Variants in ERICH6B observed in about 807,000 individuals in gnomAD.
The protein encoded by ERICH6B is glutamate-rich protein 6B.
In ERICH6B, 69 loss-of-function variants were observed where a neutral mutation model predicts 80.0. The observed-to-expected ratio is 0.86, with a 90% confidence interval of 0.71 to 1.05. The LOEUF (loss-of-function observed/expected upper bound fraction) is 1.05. ERICH6B is among the 50% of genes least tolerant of loss of function. The pLI is 0.00. For synonymous variants in ERICH6B, 283 were observed against 291.9 expected (o/e 0.97, Z 0.31); for missense variants, 754 against 796.1 (o/e 0.95, Z 0.64).
intron 3 of ERICH6B, 22 bp from the exon 4 acceptor site, chr13:45,590,719 A>G: frequency 1.3e-6 from 2 of 1,548,424 alleles, no homozygotes; most frequent in Non-Finnish European, 1.7e-6. Context: ...AAGAATAAAA[A>G]AGCAATATTG....
At position 45,579,988 on chromosome 13, in the gene ERICH6B, A is replaced by T. The variant is rs758234414; in HGVS notation, c.920-14T>A. 10 of 1,538,336 alleles carry T rather than the reference A, an allele frequency of 6.5e-6. No homozygotes were observed. In the South Asian group the frequency reaches 1.1e-4, roughly 17 times the overall value. On this transcript the variant is annotated splice_polypyrimidine_tract_variant and intron_variant, in intron 6 of 14. Coordinates refer to ENST00000298738, the MANE Select transcript of ERICH6B (RefSeq NM_182542.3). Reference sequence around the variant, plus strand: ...TGTTAACATGCTCTAAAAAAGAATAAGAAAAATTATTAACAGGATACGGTA... The same window carrying T: ...TGTTAACATGCTCTAAAAAAGAATATGAAAAATTATTAACAGGATACGGTA...
chr13:45,549,233 G>A (rs962765060), intron 13 of ERICH6B, among the ~76,000 whole-genome samples: 6 of 151,390 alleles, frequency 4.0e-5, no homozygotes, highest in Non-Finnish European at 8.8e-5. Flanking sequence ...GCAATGAGCC[G>A]AGATGACACC....
intron 11 of ERICH6B, among the ~76,000 whole-genome samples, chr13:45,555,245 A>G (rs545435406): frequency 6.6e-6 from 1 of 152,154 alleles, no homozygotes; most frequent in Non-Finnish European, 1.5e-5. Flanking sequence ...GATAGGAGAA[A>G]GCTGAAGACT....
intron 2 of ERICH6B, among the ~76,000 whole-genome samples, chr13:45,601,764 A>AT (rs2138029567): frequency 6.6e-6 from 1 of 152,344 alleles, no homozygotes; most frequent in East Asian, 1.9e-4. Context: ...TCTCTTAGAA[A>AT]TTTGTAAGAC....
At chr13:45,549,500 G>A (rs532474543) in intron 13 of ERICH6B, among the ~76,000 whole-genome samples, 7 of 152,302 alleles carry the variant, frequency 4.6e-5, no homozygotes, top group Non-Finnish European at 7.4e-5. Flanking sequence ...TAGAAGTCAC[G>A]TTTTGGACCA....
At chr13:45,593,075 C>T (rs575857658) in intron 3 of ERICH6B, among the ~76,000 whole-genome samples, 7 of 152,326 alleles carry the variant, frequency 4.6e-5, no homozygotes, top group Admixed American at 2.0e-4. Context: ...CAGTCAGATG[C>T]GACCAACCAA....
chr13:45,588,247 C>A (rs1269694971), intron 4 of ERICH6B, among the ~76,000 whole-genome samples: 1 of 152,126 alleles, frequency 6.6e-6, no homozygotes, highest in East Asian at 1.9e-4. Context: ...GGGAAGTCTC[C>A]CTTCAGGGTC....
intron 13 of ERICH6B, among the ~76,000 whole-genome samples, chr13:45,546,715 C>T (rs533819112): frequency 6.6e-6 from 1 of 152,094 alleles, no homozygotes; most frequent in Non-Finnish European, 1.5e-5. Context: ...GGTTTGTCTG[C>T]CTTGTTTGGT....
rs1874153633 is a variant in ERICH6B at position 45,550,048 on chromosome 13, G to C, written c.1494-3C>G. On this transcript the variant is annotated splice_region_variant and splice_polypyrimidine_tract_variant and intron_variant, in intron 12 of 14. Transcript: ENST00000298738. ...TAGCCAGGTTTCCTGATGGATAACT[G>C]GGAGAAGGTTAAGGCACAAGTAGTC... 1 of 1,551,478 alleles carries C rather than the reference G, an allele frequency of 6.4e-7. No individual in the cohort carries two copies. The highest frequency in any genetic ancestry group is 8.7e-7 in the Non-Finnish European group (1 of 1,147,054).
chr13:45,550,511 T>G (rs1226789695), intron 11 of ERICH6B, among the ~76,000 whole-genome samples, 195 bp from the exon 12 acceptor site: 1 of 152,208 alleles, frequency 6.6e-6, no homozygotes, highest in Non-Finnish European at 1.5e-5. Flanking sequence ...TGTGTGTGTG[T>G]GTAGATTTTA....
chr13:45,606,503 GTGTATATATATATATATATATATATATA>G (rs1949861552), intron 2 of ERICH6B, among the ~76,000 whole-genome samples: 2 of 32,780 alleles, frequency 6.1e-5, no homozygotes, highest in African/African-American at 3.3e-4. Context: ...AAAAGTGTAT[GTGTATATATATATATATATATATATATA>G]TATATATATA....
chr13:45,558,875 A>G (rs1874547649), intron 11 of ERICH6B, among the ~76,000 whole-genome samples: 1 of 152,028 alleles, frequency 6.6e-6, no homozygotes, highest in Admixed American at 6.5e-5. Flanking sequence ...TTCACCAGGG[A>G]TATTGGTGTG....
intron 2 of ERICH6B, among the ~76,000 whole-genome samples, chr13:45,603,067 G>A (rs952366450): frequency 6.6e-6 from 1 of 152,208 alleles, no homozygotes; most frequent in African/African-American, 2.4e-5. Flanking sequence ...GGCCCCTAGT[G>A]TAAGTCCTGG....
At chr13:45,551,436 C>T (rs1399177468) in intron 11 of ERICH6B, 1 of 152,158 alleles carries the variant, frequency 6.6e-6, no homozygotes. Context: ...CCTCCTACTC[C>T]TCCTTCACAT....
In ERICH6B at chr13:45,544,640, C is replaced by A; in HGVS notation, c.1872+120G>T. On this transcript the variant is annotated intron_variant, in intron 14 of 14. Coordinates refer to ENST00000298738, the MANE Select transcript of ERICH6B (RefSeq NM_182542.3). ...AAACCAAAGTGGCCTTGTTTTTATA[C>A]GGGTTGGCATATATAGAACAAGCCT... The A allele has an allele frequency of 3.9e-6, 3 of 770,470 alleles. No individual in the cohort carries two copies. The East Asian group carries it at 8.1e-5, about 21-fold the overall frequency. The allele number at this position is 770,470 out of a possible 1,614,324, so 47.7% of individuals were successfully genotyped here.
intron 7 of ERICH6B, among the ~76,000 whole-genome samples, chr13:45,578,335 T>C (rs779764508): frequency 2.0e-5 from 3 of 152,230 alleles, no homozygotes; most frequent in Non-Finnish European, 4.4e-5. Context: ...TTGCCTATGA[T>C]GTATTTGGAC....
chr13:45,558,296 A>G (rs2137971761), intron 11 of ERICH6B, among the ~76,000 whole-genome samples: 1 of 152,270 alleles, frequency 6.6e-6, no homozygotes, highest in Non-Finnish European at 1.5e-5. Context: ...TGTATCTGGA[A>G]ACTTTGCTGG....
intron 2 of ERICH6B, among the ~76,000 whole-genome samples, chr13:45,602,609 G>C (rs985253610): frequency 2.0e-5 from 3 of 152,088 alleles, no homozygotes; most frequent in African/African-American, 7.2e-5. Flanking sequence ...CAGCCTTCTT[G>C]GCATCTCTGC....
chr13:45,549,943 A>T lies in ERICH6B; in HGVS notation c.1596T>A (p.Leu532=). Residue 532 remains leucine, a synonymous_variant, in exon 13 of 15, where the codon CTT becomes CTA. Coordinates refer to ENST00000298738, the MANE Select transcript of ERICH6B (RefSeq NM_182542.3). ...AGGTAGCATTGCCTGAGTTGTTGAT[A>T]AGGGCCCGGATCCTCCCTTCTAGAC... ...EDSLEGRIRA[L]INNSGNATFY... 2 of 1,551,558 alleles carry T rather than the reference A, an allele frequency of 1.3e-6. No homozygotes were observed. The highest frequency in any genetic ancestry group is 1.7e-6 in the Non-Finnish European group (2 of 1,146,936).
Sources: gnomAD v4.1 joint callset for allele counts (sites outside exome capture counted in the v4.1 genomes callset) on GRCh38, gnomAD v4.1.1 for gene constraint, MANE v1.5 for transcripts, NCBI Gene and HGNC (gene_info 2026-07-23, HGNC 2026-07-21) for gene names.